Variants in LRP6 observed in about 807,000 individuals in gnomAD.
LRP6 encodes LDL receptor related protein 6, also known as low-density lipoprotein receptor-related protein 6.
Under a neutral mutation model 184.1 loss-of-function variants are expected in LRP6, and 43 were observed. That is an observed-to-expected ratio of 0.23 (90% CI 0.18 to 0.30). The LOEUF (loss-of-function observed/expected upper bound fraction) is 0.30. Among genes scored for constraint, LRP6 ranks in the 10% least tolerant of loss-of-function variants. The pLI is 1.00. For synonymous variants in LRP6, 719 were observed against 684.9 expected, an observed-to-expected ratio of 1.05 and a Z score of -0.78; for missense variants, 1,571 against 2,005.3, an observed-to-expected ratio of 0.78 and a Z score of 4.14.
At chr12:12,123,526 C>G (rs1371657082) in intron 22 of LRP6, among the ~76,000 whole-genome samples, 3 of 152,076 alleles carry the variant, frequency 2.0e-5, no homozygotes, top group African/African-American at 7.2e-5. Flanking sequence ...AGAAGATTAT[C>G]TAGAGAGGAT....
intron 1 of LRP6, among the ~76,000 whole-genome samples, chr12:12,254,254 G>A (rs1865408146): frequency 6.6e-6 from 1 of 151,748 alleles, no homozygotes; most frequent in Non-Finnish European, 1.5e-5. Flanking sequence ...GACCACACCA[G>A]TGGACTGAGT....
At chr12:12,184,220 T>G in intron 4 of LRP6, 109 bp from the exon 5 acceptor site, 2 of 860,404 alleles carry the variant, frequency 2.3e-6, no homozygotes. Flanking sequence ...CCAAATGTCA[T>G]GCAGGTGCTT....
chr12:12,139,960 AC>A (rs1263123183), intron 15 of LRP6, among the ~76,000 whole-genome samples: 2 of 152,184 alleles, frequency 1.3e-5, no homozygotes, highest in Non-Finnish European at 2.9e-5. Context: ...TTAGAATGGA[AC>A]AAAGGTAGGA....
chr12:12,240,859 T>G (rs1865046820), intron 2 of LRP6, among the ~76,000 whole-genome samples: 1 of 152,152 alleles, frequency 6.6e-6, no homozygotes, highest in South Asian at 2.1e-4. Flanking sequence ...AGGAATCACC[T>G]CTACTCACTG....
rs529050777 is a variant in LRP6, at chr12:12,125,645, G to A, written c.4313-213C>T. ...TGCTTCCATTGAAAGAGCTGGCCTA[G>A]AACAAGGCCAAGAATAGCTCCCACC... On this transcript the variant is annotated intron_variant, in intron 20 of 22. Coordinates refer to ENST00000261349, the MANE Select transcript of LRP6 (RefSeq NM_002336.3). 3.9e-5 allele frequency among the ~76,000 whole-genome samples: 6 copies of A among 152,226 alleles called. No individual in the cohort carries two copies. The South Asian group carries it at 1.2e-3, about 32-fold the overall frequency.
In LRP6 at chr12:12,155,211, C is replaced by A. The variant is rs917859488; in HGVS notation, c.2791+3618G>T. 6 of 643,040 alleles carry A rather than the reference C, an allele frequency of 9.3e-6. No individual in the cohort carries two copies. In the African/African-American group the frequency reaches 1.1e-4, roughly 12 times the overall value. The allele number at this position is 643,040 out of a possible 1,614,324, so 39.8% of individuals were successfully genotyped here. A position where few individuals can be genotyped will look rare whatever the true frequency, so the allele number is the denominator to read the frequency against. Reference sequence around the variant, plus strand: ...ACTCTGTCTCAAACAAACAAACAAACAAACAAAAAGTCTTTCAGCCAGAAC... The same window carrying A: ...ACTCTGTCTCAAACAAACAAACAAAAAAACAAAAAGTCTTTCAGCCAGAAC... On this transcript the variant is annotated intron_variant, in intron 12 of 22. Coordinates refer to ENST00000261349, the MANE Select transcript of LRP6 (RefSeq NM_002336.3).
chr12:12,186,768 C>G (rs1863486472), intron 4 of LRP6, 155 bp downstream of exon 4: 1 of 705,002 alleles, frequency 1.4e-6, no homozygotes, highest in Admixed American at 2.1e-5. Flanking sequence ...AAGTGATTCT[C>G]TTGCCTCAGC....
At chr12:12,236,017 A>G (rs74673668) in intron 2 of LRP6, among the ~76,000 whole-genome samples, 2 of 152,100 alleles carry the variant, frequency 1.3e-5, no homozygotes, top group Non-Finnish European at 1.5e-5. Flanking sequence ...CCAGGTCAGG[A>G]GATCGAGACC....
At position 12,125,371 on chromosome 12, in the gene LRP6, G is replaced by T. The variant is rs761014963; in HGVS notation, c.4374C>A (p.Pro1458=). Residue 1458 remains proline, a synonymous_variant, in exon 21 of 23, where the codon CCC becomes CCA. Transcript: ENST00000261349. ...CTGTAACATGGGCTCGGTCATAGGG[G>T]GGTCCACTGCTTCCCCCCATGATAC... The part of the protein sequence containing the change: ...SLSIMGGSSG[P]PYDRAHVTGA... 2 of 1,613,986 alleles carry T rather than the reference G, an allele frequency of 1.2e-6. No individual in the cohort carries two copies. Among genetic ancestry groups the T allele is most frequent in the Non-Finnish European group, 1.7e-6 (2 of 1,179,958 alleles).
intron 12 of LRP6, 130 bp downstream of exon 12, chr12:12,158,699 C>T: frequency 1.2e-6 from 1 of 854,728 alleles, no homozygotes; most frequent in Non-Finnish European, 1.9e-6. Context: ...CATTCCCCTA[C>T]CCTTTAACCA....
intron 1 of LRP6, among the ~76,000 whole-genome samples, chr12:12,248,577 GT>G (rs1865246456): frequency 6.9e-6 from 1 of 145,054 alleles, no homozygotes; most frequent in African/African-American, 2.5e-5. Flanking sequence ...CGCCTCCCGG[GT>G]TCACGCCATT....
chr12:12,218,514 A>ATAATAC (rs1248044522), intron 2 of LRP6, among the ~76,000 whole-genome samples: 1 of 130,260 alleles, frequency 7.7e-6, no homozygotes, highest in Admixed American at 8.2e-5. Flanking sequence ...AATAATAATA[A>ATAATAC]TAATACTATA....
intron 7 of LRP6, among the ~76,000 whole-genome samples, chr12:12,174,282 T>C (rs928825655): frequency 5.3e-5 from 8 of 152,132 alleles, no homozygotes; most frequent in Non-Finnish European, 2.9e-5. Context: ...TGGCTAATTT[T>C]TGTATTTTTA....
chr12:12,190,893 C>G (rs1238142106), intron 3 of LRP6, among the ~76,000 whole-genome samples: 3 of 152,146 alleles, frequency 2.0e-5, no homozygotes, highest in African/African-American at 7.2e-5. Context: ...CATGTGAAAA[C>G]AGAGAACAAC....
chr12:12,161,312 G>A (rs962533323), intron 10 of LRP6, among the ~76,000 whole-genome samples: 1 of 151,978 alleles, frequency 6.6e-6, no homozygotes. Flanking sequence ...CTGTTGCCCA[G>A]GGTGGAGTGC....
At position 12,181,320 on chromosome 12, in the gene LRP6, C is replaced by A. The variant is rs1347963654; in HGVS notation, c.1096G>T (p.Asp366Tyr). 1 of 1,614,142 alleles carries A rather than the reference C, an allele frequency of 6.2e-7. No individual in the cohort carries two copies. Among genetic ancestry groups the A allele is most frequent in the African/African-American group, 1.3e-5 (1 of 75,052 alleles). Residue 366 changes from aspartate (D) to tyrosine (Y), a missense_variant, in exon 6 of 23, where the codon GAT (aspartate) becomes TAT (tyrosine). Coordinates refer to ENST00000261349, the MANE Select transcript of LRP6 (RefSeq NM_002336.3). Reference sequence around the variant, plus strand: ...ATGTAGCCTTCCACAGGATCGTAATCTATGGCAATGGCATGACGGATGTCT... The same window carrying A: ...ATGTAGCCTTCCACAGGATCGTAATATATGGCAATGGCATGACGGATGTCT... ...LEDIRHAIAI[D>Y]YDPVEGYIYW...
intron 2 of LRP6, among the ~76,000 whole-genome samples, chr12:12,211,996 T>C (rs530527066): frequency 6.6e-6 from 1 of 152,302 alleles, no homozygotes; most frequent in African/African-American, 2.4e-5. Flanking sequence ...ATATTAACTG[T>C]CAGGAATGCC....
Position 12,184,198 on chromosome 12 carries a change from C to G in LRP6, c.845-87G>C, listed in dbSNP as rs149288833. Reference sequence around the variant, plus strand: ...CCATAACATGAACAACTGTGATAAGCCAAAATTATTACCAAATGTCATGCA... The same window carrying G: ...CCATAACATGAACAACTGTGATAAGGCAAAATTATTACCAAATGTCATGCA... On this transcript the variant is annotated intron_variant, in intron 4 of 22. Coordinates refer to ENST00000261349, the MANE Select transcript of LRP6 (RefSeq NM_002336.3). The G allele has an allele frequency of 8.0e-6, 9 of 1,119,268 alleles. No individual in the cohort carries two copies. In the African/African-American group the frequency reaches 1.4e-4, roughly 17 times the overall value. 69.3% of individuals were successfully genotyped at this position (1,119,268 alleles called of 1,614,324 possible).
chr12:12,139,452 A>G (rs966056474), intron 15 of LRP6, among the ~76,000 whole-genome samples: 4 of 152,220 alleles, frequency 2.6e-5, no homozygotes, highest in African/African-American at 9.6e-5. Flanking sequence ...GGCCGGGTGC[A>G]GTGGCACACA....
Sources: gnomAD v4.1 joint callset for allele counts (sites outside exome capture counted in the v4.1 genomes callset) on GRCh38, gnomAD v4.1.1 for gene constraint, MANE v1.5 for transcripts, NCBI Gene and HGNC (gene_info 2026-07-23, HGNC 2026-07-21) for gene names.